KRABD1: variants seen among roughly 807,000 people sequenced by gnomAD.
The protein encoded by KRABD1 is KRAB domain-containing protein 1.
At chr3:42,942,401 C>T in the KRABD1 span, 1 of 444,540 alleles carries the variant, frequency 2.2e-6, no homozygotes, top group Non-Finnish European at 4.0e-6. Context: ...GCAGTATTAT[C>T]TTGTTCACTG....
At chr3:42,942,469 C>T in the KRABD1 span, 38 of 474,048 alleles carry the variant, frequency 8.0e-5, no homozygotes, top group African/African-American at 6.2e-4. Flanking sequence ...AATATATTAA[C>T]AATTTTAAAT....
At chr3:42,936,431 C>G in the KRABD1 span, 11 of 152,246 alleles carry the variant, frequency 7.2e-5, no homozygotes, top group African/African-American at 1.9e-4. Flanking sequence ...TGCTGAAAAG[C>G]TGCAGAGGCC....
the KRABD1 span, among the ~76,000 whole-genome samples, chr3:42,942,236 A>G: frequency 6.6e-6 from 1 of 152,056 alleles, no homozygotes; most frequent in Admixed American, 6.5e-5. Flanking sequence ...CCATCCCTTT[A>G]AAGCGTAGTA....
the KRABD1 span, chr3:42,941,902 A>C: frequency 6.3e-6 from 7 of 1,103,640 alleles, no homozygotes; most frequent in African/African-American, 9.3e-5. Context: ...ACAGGCTTAA[A>C]TTTGACCCCT....
At chr3:42,941,909 C>A in the KRABD1 span, 1 of 1,148,782 alleles carries the variant, frequency 8.7e-7, no homozygotes, top group Non-Finnish European at 1.3e-6. Flanking sequence ...TAAATTTGAC[C>A]CCTATGACTA....
chr3:42,936,968 A>T, the KRABD1 span: 4 of 152,290 alleles, frequency 2.6e-5, no homozygotes, highest in East Asian at 7.7e-4. Context: ...CGTCCCCAGG[A>T]TGTCCCATTT....
At chr3:42,940,070 A>T in the KRABD1 span, among the ~76,000 whole-genome samples, 2 of 152,198 alleles carry the variant, frequency 1.3e-5, no homozygotes, top group African/African-American at 4.8e-5. Flanking sequence ...CTCAGACATC[A>T]TCAAGATGTT....
At chr3:42,940,511 T>G in the KRABD1 span, among the ~76,000 whole-genome samples, 1 of 152,242 alleles carries the variant, frequency 6.6e-6, no homozygotes, top group Non-Finnish European at 1.5e-5. Flanking sequence ...TACTCCATGT[T>G]AAGACCATTT....
the KRABD1 span, chr3:42,938,818 T>C: frequency 9.7e-7 from 1 of 1,026,326 alleles, no homozygotes; most frequent in Non-Finnish European, 1.4e-6. Context: ...AATAAAGTTA[T>C]TATCGTTAAT....
chr3:42,936,636 A>G, the KRABD1 span: 1 of 152,302 alleles, frequency 6.6e-6, no homozygotes, highest in Non-Finnish European at 1.5e-5. Flanking sequence ...TACCCAGGGC[A>G]GCCTGTGGCC....
At chr3:42,942,503 A>G in the KRABD1 span, 1 of 576,752 alleles carries the variant, frequency 1.7e-6, no homozygotes, top group Non-Finnish European at 2.8e-6. Flanking sequence ...GAAATATTTT[A>G]AGCTTACAGT....
chr3:42,937,332 T>TA, the KRABD1 span: 2 of 152,202 alleles, frequency 1.3e-5, no homozygotes, highest in East Asian at 3.9e-4. Context: ...GACACTTCCA[T>TA]AGGGAGTGTT....
the KRABD1 span, chr3:42,937,862 C>A: frequency 6.6e-6 from 1 of 152,184 alleles, no homozygotes; most frequent in Non-Finnish European, 1.5e-5. Flanking sequence ...TTGTCTGATG[C>A]TGTTGCAGTA....
the KRABD1 span, chr3:42,942,461 T>C: frequency 1.5e-5 from 7 of 458,602 alleles, no homozygotes; most frequent in Non-Finnish European, 2.6e-5. Context: ...TGAGAACTAA[T>C]ATATTAACAA....
At chr3:42,942,449 C>T in the KRABD1 span, 2 of 440,170 alleles carry the variant, frequency 4.5e-6, no homozygotes, top group Non-Finnish European at 7.9e-6. Flanking sequence ...TTTTGTTTTT[C>T]ATGAGAACTA....
At chr3:42,942,585 C>T in the KRABD1 span, 22 of 1,440,686 alleles carry the variant, frequency 1.5e-5, no homozygotes, top group South Asian at 8.9e-5. Context: ...AGCAGTGTTA[C>T]GTAGAATAGT....
At chr3:42,941,071 C>T in the KRABD1 span, 1 of 542,578 alleles carries the variant, frequency 1.8e-6, no homozygotes, top group Non-Finnish European at 3.0e-6. Context: ...TCTTCTTCCT[C>T]CACACCTAAA....
At chr3:42,937,185 G>A in the KRABD1 span, 1 of 152,122 alleles carries the variant, frequency 6.6e-6, no homozygotes, top group Admixed American at 6.5e-5. Flanking sequence ...TTACTCCACT[G>A]TCATAATTTA....
chr3:42,939,055 T>C, the KRABD1 span: 11 of 651,126 alleles, frequency 1.7e-5, no homozygotes, highest in Non-Finnish European at 2.5e-5. Flanking sequence ...TTTATATATG[T>C]GTGTATGTGT....
Sources: allele counts gnomAD v4.1 joint callset (sites outside exome capture counted in the v4.1 genomes callset), GRCh38; gene constraint gnomAD v4.1.1; transcripts MANE v1.5; gene names NCBI Gene and HGNC (gene_info 2026-07-23, HGNC 2026-07-21).